SLC19A3: variants seen among roughly 807,000 people sequenced by gnomAD.
SLC19A3 encodes the protein solute carrier family 19 member 3, also known as thiamine transporter 2.
In SLC19A3, 31 loss-of-function variants were observed where a neutral mutation model predicts 40.2. The observed-to-expected ratio is 0.77, with a 90% CI of 0.58 to 1.04. SLC19A3 has a LOEUF of 1.04. SLC19A3 is among the 50% of genes least tolerant of loss of function. The probability of loss-of-function intolerance (pLI) is 0.00; values close to 1 mark genes in which losing one functional copy is unlikely to be tolerated. For missense variants in SLC19A3, 592 were observed against 596.7 expected, an observed-to-expected ratio of 0.99 and a Z score of 0.08; for synonymous variants, 212 against 227.5, an observed-to-expected ratio of 0.93 and a Z score of 0.61.
rs1171090100 is a variant in SLC19A3 at position 227,686,400 on chromosome 2, C to G, written c.*997G>C. 1.6e-5 allele frequency: 3 copies of G among 184,394 alleles called. No individual in the cohort carries two copies. Among genetic ancestry groups the G allele is most frequent in the African/African-American group, 7.2e-5 (3 of 41,808 alleles). 11.4% of individuals were successfully genotyped at this position (184,394 alleles called of 1,614,324 possible). On this transcript the variant is annotated 3_prime_UTR_variant, in exon 6 of 6. Transcript: ENST00000644224. ...ATGGTGCAATCATAGCTCACTGTAG[C>G]CTCTGACTCCTGTGCTCAACCCATC...
Position 227,698,939 on chromosome 2 carries a change from A to G in SLC19A3, c.776T>C (p.Val259Ala). Residue 259 changes from valine to alanine, a missense_variant, in exon 3 of 6, where the codon GTG becomes GCG. Val to Ala is a moderately conservative substitution (Grantham distance 64, BLOSUM62 0). Transcript: ENST00000644224. ...LNSLKPSNVT[V>A]DVFVQWFQDL... ...TTGGAACCACTGCACAAAAACGTCCACAGTCACATTGCTTGGTTTCAGGCT... is the reference window on the plus strand; with the variant it reads ...TTGGAACCACTGCACAAAAACGTCCGCAGTCACATTGCTTGGTTTCAGGCT... The G allele has an allele frequency of 6.2e-7, 1 of 1,614,196 alleles. No individual in the cohort carries two copies. Among genetic ancestry groups the G allele is most frequent in the Non-Finnish European group, 8.5e-7 (1 of 1,180,026 alleles).
intron 2 of SLC19A3, chr2:227,701,849 G>T: frequency 3.7e-6 from 1 of 267,970 alleles, no homozygotes; most frequent in African/African-American, 2.2e-5. Context: ...TCTAGATCCT[G>T]TGCCTGCCAG....
intron 1 of SLC19A3, among the ~76,000 whole-genome samples, chr2:227,711,047 C>T (rs1000406747): frequency 2.0e-5 from 3 of 152,154 alleles, no homozygotes; most frequent in Non-Finnish European, 4.4e-5. Context: ...TAAGTCAGGG[C>T]AAGATGGTCC....
At chr2:227,694,555 C>T (rs929508087) in intron 4 of SLC19A3, among the ~76,000 whole-genome samples, 3 of 152,140 alleles carry the variant, frequency 2.0e-5, no homozygotes, top group African/African-American at 7.2e-5. Context: ...AAGCTTTTGT[C>T]TCCACTTCTT....
chr2:227,713,794 T>C (rs1245235983), intron 1 of SLC19A3, among the ~76,000 whole-genome samples: 3 of 90,290 alleles, frequency 3.3e-5, no homozygotes, highest in Non-Finnish European at 6.7e-5. Flanking sequence ...CAAAGATGAT[T>C]TGAAAAAAAA....
chr2:227,715,910 C>A (rs35816180), intron 1 of SLC19A3, among the ~76,000 whole-genome samples: 21,280 of 143,034 alleles, frequency 0.15, 2,028 homozygotes, highest in South Asian at 0.33. Flanking sequence ...AGATCCCAGC[C>A]ACTGCACTCC....
intron 5 of SLC19A3, 55 bp downstream of exon 5, chr2:227,688,111 A>C: frequency 6.3e-7 from 1 of 1,591,448 alleles, no homozygotes; most frequent in South Asian, 1.1e-5. Flanking sequence ...TGCTTGTTGT[A>C]AGGTTGAGAA....
rs869073195 is a variant in SLC19A3 at position 227,714,805 on chromosome 2, CTTTTTTT to C, written c.-3+3131_-3+3137del. On this transcript the variant is annotated intron_variant, in intron 1 of 5. Coordinates refer to ENST00000644224, the MANE Select transcript of SLC19A3 (RefSeq NM_025243.4). Reference sequence around the variant, plus strand: ...TGAATAACACCTTTCCCTGACTATTCTTTTTTTTTTTTTTTTTTTTTTTGAGACAGAG... The same window carrying C: ...TGAATAACACCTTTCCCTGACTATTCTTTTTTTTTTTTTTTTGAGACAGAG... Among the ~76,000 whole-genome samples, 4 of 79,914 alleles carry C rather than the reference CTTTTTTT, an allele frequency of 5.0e-5. No homozygotes were observed. In the Admixed American group the frequency reaches 5.5e-4, roughly 11 times the overall value. The allele number at this position is 79,914 out of a possible 152,430, so 52.4% of individuals were successfully genotyped here. A position where few individuals can be genotyped will look rare whatever the true frequency, so the allele number is the denominator to read the frequency against.
intron 4 of SLC19A3, among the ~76,000 whole-genome samples, chr2:227,688,698 A>G (rs1254179913): frequency 1.3e-5 from 2 of 152,170 alleles, no homozygotes; most frequent in African/African-American, 4.8e-5. Context: ...TACAATAAAT[A>G]CAACTCTTCA....
At position 227,688,721 on chromosome 2, in the gene SLC19A3, T is replaced by C. The variant is rs538114466; in HGVS notation, c.1173-414A>G. On this transcript the variant is annotated intron_variant, in intron 4 of 5. Transcript: ENST00000644224. ...ATACAACTCTTCAATACCCTGACAC[T>C]GATGAACATCCATAAGCATCAAGAT... Among the ~76,000 whole-genome samples the C allele has an allele frequency of 4.6e-5, 7 of 152,298 alleles. No homozygotes were observed. In the East Asian group the frequency reaches 1.3e-3, roughly 29 times the overall value.
chr2:227,703,754 T>TCCTAACA lies in SLC19A3; in HGVS notation c.-2-1435_-2-1434insTGTTAGG, dbSNP rs1695809890. Among the ~76,000 whole-genome samples, 1 of 152,174 alleles carries TCCTAACA rather than the reference T, an allele frequency of 6.6e-6. No homozygotes were observed. The highest frequency in any genetic ancestry group is 1.5e-5 in the Non-Finnish European group (1 of 68,036). ...CTTGGTCATCTTCTGAAGAGTGGTC[T>TCCTAACA]TGCTGGGGTAGCATCTGCTGGCTCT... is the stretch of plus-strand genomic sequence containing the variant. On this transcript the variant is annotated intron_variant, in intron 1 of 5. Transcript: ENST00000644224. The surrounding 1 kb of genome is among the most constrained non-coding windows in gnomAD (Gnocchi z 4.7).
chr2:227,687,615 A>G, intron 5 of SLC19A3, 42 bp from the exon 6 acceptor site: 1 of 1,592,080 alleles, frequency 6.3e-7, no homozygotes, highest in Non-Finnish European at 8.6e-7. Context: ...AAATATGACC[A>G]TCTATGTCAA....
At chr2:227,700,157 G>A (rs1366214776) in intron 2 of SLC19A3, among the ~76,000 whole-genome samples, 7 of 152,034 alleles carry the variant, frequency 4.6e-5, no homozygotes, top group Non-Finnish European at 8.8e-5. Flanking sequence ...GATTATAGGC[G>A]TGAGCCACCG....
intron 4 of SLC19A3, among the ~76,000 whole-genome samples, chr2:227,692,436 G>A (rs1271728076): frequency 6.6e-6 from 1 of 152,190 alleles, no homozygotes; most frequent in Non-Finnish European, 1.5e-5. Flanking sequence ...CACATCGACA[G>A]AATGAAGGAC....
rs1284547056 is a variant in SLC19A3, at chr2:227,688,301, C to G, written c.1179G>C (p.Gln393His). The change falls in exon 5 of 6, where the codon CAG (glutamine) becomes CAC (histidine). Residue 393 changes from glutamine to histidine, a missense_variant. By Grantham distance (24) the Gln-to-His change is conservative. Coordinates refer to ENST00000644224, the MANE Select transcript of SLC19A3 (RefSeq NM_025243.4). ...YMLLITIAVF[Q>H]IAVNLNVERY... Reference sequence around the variant, plus strand: ...GTTCCACATTCAGATTAACTGCAATCTGAAATCTATCATTAAACATAAATA... The same window carrying G: ...GTTCCACATTCAGATTAACTGCAATGTGAAATCTATCATTAAACATAAATA... 2 of 1,613,800 alleles carry G rather than the reference C, an allele frequency of 1.2e-6. No homozygotes were observed. Among genetic ancestry groups the G allele is most frequent in the Non-Finnish European group, 1.7e-6 (2 of 1,179,760 alleles).
chr2:227,708,010 T>G (rs1292685559), intron 1 of SLC19A3, among the ~76,000 whole-genome samples: 1 of 152,210 alleles, frequency 6.6e-6, no homozygotes, highest in Non-Finnish European at 1.5e-5. Flanking sequence ...ATTACACATG[T>G]GAGCCACCGC....
chr2:227,688,925 A>T (rs1695120928), intron 4 of SLC19A3, among the ~76,000 whole-genome samples: 1 of 152,190 alleles, frequency 6.6e-6, no homozygotes, highest in Non-Finnish European at 1.5e-5. Context: ...TAATAAAGAG[A>T]TTGAAATAAT....
At chr2:227,713,830 G>A (rs933843839) in intron 1 of SLC19A3, among the ~76,000 whole-genome samples, 4 of 151,546 alleles carry the variant, frequency 2.6e-5, no homozygotes, top group East Asian at 1.9e-4. Context: ...ACTGATACAC[G>A]GAAGAAAATA....
At chr2:227,702,688 G>T (rs927606173) in intron 1 of SLC19A3, 3 of 246,720 alleles carry the variant, frequency 1.2e-5, no homozygotes, top group Middle Eastern at 1.5e-3. Flanking sequence ...GATCTCATTT[G>T]TCACTGCACA....
Sources: allele counts gnomAD v4.1 joint callset (sites outside exome capture counted in the v4.1 genomes callset), GRCh38; gene constraint gnomAD v4.1.1; non-coding constraint Gnocchi (gnomAD v3.1); transcripts MANE v1.5; gene names NCBI Gene and HGNC (gene_info 2026-07-23, HGNC 2026-07-21).